The following ASRGL1 variants were observed in gnomAD, a reference collection of about 807,000 sequenced individuals.
The protein encoded by ASRGL1 is asparaginase and isoaspartyl peptidase 1.
Under a neutral mutation model 22.4 loss-of-function variants are expected in ASRGL1, and 16 were observed. That is an observed-to-expected ratio of 0.71 (90% confidence interval 0.48 to 1.08). ASRGL1 has a LOEUF of 1.08. ASRGL1 is among the 50% of genes least tolerant of loss of function. The probability of loss-of-function intolerance (pLI) is 0.00; values close to 1 mark genes in which losing one functional copy is unlikely to be tolerated. For missense variants in ASRGL1, 412 were observed against 410.1 expected (o/e 1.00, Z -0.04); for synonymous variants, 165 against 159.3 (o/e 1.04, Z -0.27).
chr11:62,391,739 A>G, intron 6 of ASRGL1, 107 bp downstream of exon 6: 1 of 1,393,202 alleles, frequency 7.2e-7, no homozygotes, highest in Non-Finnish European at 9.6e-7. Flanking sequence ...CCTGTTGGCT[A>G]CAGATGTTGC....
At chr11:62,357,416 A>ATTTT (rs1342638247) in intron 4 of ASRGL1, among the ~76,000 whole-genome samples, 3 of 100,404 alleles carry the variant, frequency 3.0e-5, no homozygotes, top group Non-Finnish European at 5.8e-5. Flanking sequence ...CACCCGGCTC[A>ATTTT]TTTTTTTTTT....
intron 5 of ASRGL1, chr11:62,389,611 G>A (rs1343740346): frequency 3.6e-5 from 13 of 361,432 alleles, no homozygotes; most frequent in African/African-American, 8.4e-5. Flanking sequence ...ACTTACTCCC[G>A]AGACATGGGC....
At chr11:62,352,262 G>A (rs1161149710) in intron 2 of ASRGL1, among the ~76,000 whole-genome samples, 1 of 152,178 alleles carries the variant, frequency 6.6e-6, no homozygotes, top group African/African-American at 2.4e-5. Context: ...TGAGCACACA[G>A]GGAGATAGTA....
chr11:62,364,789 G>A (rs185124693), intron 4 of ASRGL1, among the ~76,000 whole-genome samples: 1 of 152,268 alleles, frequency 6.6e-6, no homozygotes, highest in Non-Finnish European at 1.5e-5. Flanking sequence ...ATTGAGGCTG[G>A]GAGTGGTGGT....
At chr11:62,338,694 G>C (rs890580620) in intron 2 of ASRGL1, among the ~76,000 whole-genome samples, 8 of 152,096 alleles carry the variant, frequency 5.3e-5, no homozygotes, top group African/African-American at 1.9e-4. Context: ...CCAGCACTTT[G>C]GGAGGCCAAG....
chr11:62,385,609 A>G (rs1947182109), intron 4 of ASRGL1, among the ~76,000 whole-genome samples: 1 of 152,202 alleles, frequency 6.6e-6, no homozygotes, highest in Admixed American at 6.5e-5. Context: ...TCACGCCTGT[A>G]ATCCCAGCAG....
chr11:62,382,240 G>C (rs1193154561), intron 4 of ASRGL1: 1 of 151,922 alleles, frequency 6.6e-6, no homozygotes, highest in Non-Finnish European at 1.5e-5. Flanking sequence ...GGGCCCAGGG[G>C]ACCGGTGCTC....
intron 4 of ASRGL1, among the ~76,000 whole-genome samples, chr11:62,384,000 C>G (rs531033275): frequency 3.5e-5 from 5 of 143,568 alleles, no homozygotes; most frequent in African/African-American, 4.9e-5. Context: ...TTAAATGCAT[C>G]TGTGTGTGTG....
intron 4 of ASRGL1, among the ~76,000 whole-genome samples, chr11:62,373,947 G>A (rs1565168800): frequency 6.6e-6 from 1 of 152,236 alleles, no homozygotes; most frequent in Non-Finnish European, 1.5e-5. Flanking sequence ...CAGCTTCATG[G>A]CTCCCTGCGG....
intron 2 of ASRGL1, 192 bp downstream of exon 2, chr11:62,338,359 T>C: frequency 1.6e-6 from 1 of 643,702 alleles, no homozygotes; most frequent in Non-Finnish European, 2.5e-6. Flanking sequence ...TAGAGATTTA[T>C]ACTGAGGCAA....
intron 4 of ASRGL1, chr11:62,371,801 A>G: frequency 2.1e-6 from 1 of 470,716 alleles, no homozygotes; most frequent in South Asian, 2.0e-5. Context: ...AAATACAAAA[A>G]AAATTAGCCG....
chr11:62,364,843 C>T (rs1304883932), intron 4 of ASRGL1, among the ~76,000 whole-genome samples: 1 of 151,916 alleles, frequency 6.6e-6, no homozygotes, highest in East Asian at 1.9e-4. Flanking sequence ...CTGAGGCGGG[C>T]AGATCACCTG....
chr11:62,392,044 ATGTGTGT>A (rs750244507), intron 6 of ASRGL1, 28 bp from the exon 7 acceptor site: 2 of 1,600,194 alleles, frequency 1.2e-6, no homozygotes, highest in Non-Finnish European at 1.7e-6. Flanking sequence ...CCTTTCAGTA[ATGTGTGT>A]TGTTTCTCAA....
Position 62,373,871 on chromosome 11 carries a change from A to G in ASRGL1, c.492-15262A>G, listed in dbSNP as rs192733953. 2.3e-4 allele frequency among the ~76,000 whole-genome samples: 35 copies of G among 152,340 alleles called. No individual in the cohort carries two copies. The East Asian group carries it at 6.2e-3, about 27-fold the overall frequency. On this transcript the variant is annotated intron_variant, in intron 4 of 6. Coordinates refer to ENST00000415229, the MANE Select transcript of ASRGL1 (RefSeq NM_001083926.2). ...TGTTAAAGAAGTCCAAATGAAAATC[A>G]GGTGATTATGGAACCATGGGGACTT...
At chr11:62,377,105 C>T (rs966178783) in intron 4 of ASRGL1, among the ~76,000 whole-genome samples, 9 of 152,126 alleles carry the variant, frequency 5.9e-5, no homozygotes, top group South Asian at 4.1e-4. Context: ...TTCCATGTGA[C>T]GTCAAATTTG....
intron 4 of ASRGL1, among the ~76,000 whole-genome samples, chr11:62,386,323 G>A (rs1947199572): frequency 6.7e-6 from 1 of 149,550 alleles, no homozygotes; most frequent in Admixed American, 6.7e-5. Context: ...CTCAACTGCG[G>A]TCTGATGTTT....
chr11:62,355,013 G>C (rs1003233789), intron 2 of ASRGL1, among the ~76,000 whole-genome samples: 4 of 152,026 alleles, frequency 2.6e-5, no homozygotes, highest in Admixed American at 2.0e-4. Flanking sequence ...CGCCTCCCGG[G>C]TTCAAGTGAT....
chr11:62,391,863 AT>A, intron 6 of ASRGL1: 1 of 736,304 alleles, frequency 1.4e-6, no homozygotes, highest in East Asian at 2.7e-5. Context: ...GTAGAGAGAC[AT>A]TGAGCCTGGA....
Position 62,356,165 on chromosome 11 carries a change from G to A in ASRGL1, c.191-160G>A, listed in dbSNP as rs534165069. ...ACCTCCCAGACAGGGTGGTGGCGGGGCAGAGGGGCTCCTCACTTCCCAGTA... is the reference window on the plus strand; with the variant it reads ...ACCTCCCAGACAGGGTGGTGGCGGGACAGAGGGGCTCCTCACTTCCCAGTA... On this transcript the variant is annotated intron_variant, in intron 2 of 6. Coordinates refer to ENST00000415229, the MANE Select transcript of ASRGL1 (RefSeq NM_001083926.2). 3.1e-3 allele frequency among the ~76,000 whole-genome samples: 470 copies of A among 152,228 alleles called. 2 individuals are homozygous for A. Among genetic ancestry groups the A allele is most frequent in the African/African-American group, 0.01 (434 of 41,494 alleles).
Sources: allele counts gnomAD v4.1 joint callset (sites outside exome capture counted in the v4.1 genomes callset), GRCh38; gene constraint gnomAD v4.1.1; transcripts MANE v1.5; gene names NCBI Gene and HGNC (gene_info 2026-07-23, HGNC 2026-07-21).